SPAM1: variants seen among roughly 807,000 people sequenced by gnomAD.
The protein encoded by SPAM1 is sperm adhesion molecule 1, also known as hyaluronidase PH-20.
In SPAM1, 22 loss-of-function variants were observed where a neutral mutation model predicts 29.6. The ratio of observed to expected loss-of-function variants is 0.74; its 90% CI spans 0.53 to 1.06. The LOEUF is 1.06. Among genes scored for constraint, SPAM1 ranks in the 50% least tolerant of loss-of-function variants. SPAM1 has a pLI of 0.00. For missense variants in SPAM1, 534 were observed against 604.0 expected, an observed-to-expected ratio of 0.88 and a Z score of 1.21; for synonymous variants, 194 against 204.6, an observed-to-expected ratio of 0.95 and a Z score of 0.44.
chr7:123,947,419 G>A (rs1438296117), intron 1 of SPAM1, among the ~76,000 whole-genome samples: 3 of 152,038 alleles, frequency 2.0e-5, no homozygotes, highest in Admixed American at 1.3e-4. Flanking sequence ...GTTTGGTGGT[G>A]TGCGCCTGTA....
chr7:123,949,176 A>G (rs1349352316), intron 1 of SPAM1, among the ~76,000 whole-genome samples: 1 of 152,064 alleles, frequency 6.6e-6, no homozygotes, highest in Non-Finnish European at 1.5e-5. Flanking sequence ...GGAGAGGTTT[A>G]TGGTTATTTG....
At chr7:123,936,937 G>A (rs977173221) in intron 1 of SPAM1, among the ~76,000 whole-genome samples, 12 of 152,094 alleles carry the variant, frequency 7.9e-5, no homozygotes, top group Non-Finnish European at 7.4e-5. Context: ...AATGAATTTT[G>A]CTATGTATAA....
chr7:123,930,426 G>A (rs1258887232), intron 1 of SPAM1, among the ~76,000 whole-genome samples: 1 of 152,084 alleles, frequency 6.6e-6, no homozygotes, highest in Non-Finnish European at 1.5e-5. Context: ...CGCCAAAGAG[G>A]TGCAGAAGAT....
chr7:123,948,232 C>T (rs1356565271), intron 1 of SPAM1, among the ~76,000 whole-genome samples: 2 of 152,112 alleles, frequency 1.3e-5, no homozygotes, highest in African/African-American at 4.8e-5. Context: ...ACGCTGGTCT[C>T]TTAAAAGTTT....
At chr7:123,938,128 G>A (rs561855527) in intron 1 of SPAM1, among the ~76,000 whole-genome samples, 1 of 148,000 alleles carries the variant, frequency 6.8e-6, no homozygotes, top group South Asian at 2.2e-4. Context: ...GTCTCACTGT[G>A]TTGCCCAGGC....
chr7:123,960,167 C>T (rs1262670984), downstream of SPAM1: 6 of 678,194 alleles, frequency 8.8e-6, no homozygotes, highest in East Asian at 1.8e-4. Flanking sequence ...ACCATGAGTT[C>T]AGGGATTTGT....
At chr7:123,960,139 A>G (rs1298650017), downstream of SPAM1, 1 of 850,542 alleles carries the variant, frequency 1.2e-6, no homozygotes, top group African/African-American at 1.7e-5. Flanking sequence ...AAACACTGCT[A>G]TATTGTATGA....
rs113752093 is a variant in SPAM1 at position 123,954,190 on chromosome 7, G to A, written c.620G>A (p.Gly207Glu). ...KDFLVETIKL[G>E]KLLRPNHLWG... ...TTCCTGGTAGAGACTATAAAATTGGGAAAATTACTTCGGCCAAATCACTTG... is the reference window on the plus strand; with the variant it reads ...TTCCTGGTAGAGACTATAAAATTGGAAAAATTACTTCGGCCAAATCACTTG... The change falls in exon 3 of 5, where the codon GGA becomes GAA. Residue 207 changes from glycine (G) to glutamate (E), a missense_variant. Physicochemically the swap from Gly to Glu is moderately conservative, Grantham distance 98. Coordinates refer to ENST00000682466, the MANE Select transcript of SPAM1 (RefSeq NM_153189.3). 2 of 1,613,490 alleles carry A rather than the reference G, an allele frequency of 1.2e-6. No homozygotes were observed. The highest frequency in any genetic ancestry group is 1.7e-6 in the Non-Finnish European group (2 of 1,179,712).
At chr7:123,933,978 A>G (rs1808170868) in intron 1 of SPAM1, among the ~76,000 whole-genome samples, 1 of 152,102 alleles carries the variant, frequency 6.6e-6, no homozygotes, top group African/African-American at 2.4e-5. Flanking sequence ...CTTCTTTTCT[A>G]TGTTTAGGTA....
At chr7:123,930,056 G>A (rs1159719388) in intron 1 of SPAM1, among the ~76,000 whole-genome samples, 1 of 152,016 alleles carries the variant, frequency 6.6e-6, no homozygotes, top group Non-Finnish European at 1.5e-5. Context: ...TGAGAGTAAA[G>A]GGGAAAGGGA....
intron 4 of SPAM1, among the ~76,000 whole-genome samples, chr7:123,955,573 A>G (rs953897838): frequency 6.6e-6 from 1 of 152,004 alleles, no homozygotes; most frequent in Non-Finnish European, 1.5e-5. Context: ...AGAATGCCAG[A>G]TGAAGCTCAT....
intron 2 of SPAM1, among the ~76,000 whole-genome samples, chr7:123,951,160 C>A (rs1808751517): frequency 6.6e-6 from 1 of 152,062 alleles, no homozygotes; most frequent in Non-Finnish European, 1.5e-5. Context: ...GGGTATTAAT[C>A]CTTTGTCATA....
rs1320106755 is a variant in SPAM1, at chr7:123,954,308, T to C, written c.738T>C (p.Asn246=). Residue 246 remains asparagine, a synonymous_variant, in exon 3 of 5, where the codon AAT becomes AAC. Transcript: ENST00000682466. Reference sequence around the variant, plus strand: ...GCTTCAATGTAGAAATAAAAAGAAATGATGATCTCAGCTGGTTGTGGAATG... The same window carrying C: ...GCTTCAATGTAGAAATAAAAAGAAACGATGATCTCAGCTGGTTGTGGAATG... ...GSCFNVEIKR[N]DDLSWLWNES... 6.2e-7 allele frequency: 1 copy of C among 1,612,634 alleles called. No individual in the cohort carries two copies. The highest frequency in any genetic ancestry group is 8.5e-7 in the Non-Finnish European group (1 of 1,179,438).
At chr7:123,947,812 C>T (rs960773933) in intron 1 of SPAM1, 1 of 152,102 alleles carries the variant, frequency 6.6e-6, no homozygotes. Flanking sequence ...GTTCTTTCTA[C>T]TGCATAGCTT....
At chr7:123,939,908 T>C (rs2117036069) in intron 1 of SPAM1, among the ~76,000 whole-genome samples, 1 of 152,328 alleles carries the variant, frequency 6.6e-6, no homozygotes, top group Admixed American at 6.5e-5. Context: ...GAACCTGCCT[T>C]ACCTGAGATC....
intron 1 of SPAM1, among the ~76,000 whole-genome samples, chr7:123,928,001 C>T (rs549105955): frequency 6.6e-5 from 10 of 152,064 alleles, no homozygotes; most frequent in African/African-American, 1.7e-4. Context: ...TATGGGGTGA[C>T]GGCGCATTGT....
chr7:123,931,974 T>A (rs1808095456), intron 1 of SPAM1, among the ~76,000 whole-genome samples: 1 of 152,178 alleles, frequency 6.6e-6, no homozygotes, highest in Admixed American at 6.5e-5. Flanking sequence ...ACAACATGCC[T>A]ATAGGACATA....
At chr7:123,951,329 T>C (rs1304169013) in intron 2 of SPAM1, among the ~76,000 whole-genome samples, 1 of 152,122 alleles carries the variant, frequency 6.6e-6, no homozygotes, top group Non-Finnish European at 1.5e-5. Flanking sequence ...CATAAATTAG[T>C]CTGTCTAATA....
intron 1 of SPAM1, among the ~76,000 whole-genome samples, chr7:123,948,438 T>G (rs1408534394): frequency 1.3e-5 from 2 of 152,134 alleles, no homozygotes; most frequent in African/African-American, 4.8e-5. Flanking sequence ...AAAGAATGAT[T>G]CCCACATTAT....
Sources: gnomAD v4.1 joint callset for allele counts (sites outside exome capture counted in the v4.1 genomes callset) on GRCh38, gnomAD v4.1.1 for gene constraint, MANE v1.5 for transcripts, NCBI Gene and HGNC (gene_info 2026-07-23, HGNC 2026-07-21) for gene names.